ANXA13: variants seen among roughly 807,000 people sequenced by gnomAD.
The protein encoded by ANXA13 is annexin XIII.
A neutral mutation model predicts 46.6 loss-of-function variants in ANXA13; 36 were observed. The ratio of observed to expected loss-of-function variants is 0.77; its 90% CI spans 0.59 to 1.02. The LOEUF is 1.02. ANXA13 is among the 50% of genes least tolerant of loss of function. The pLI, the probability that ANXA13 is intolerant of heterozygous loss-of-function variation, is 0.00. For synonymous variants in ANXA13, 163 were observed against 152.9 expected, an observed-to-expected ratio of 1.07 and a Z score of -0.49; for missense variants, 417 against 396.5, an observed-to-expected ratio of 1.05 and a Z score of -0.44.
chr8:123,728,921 G>A (rs889999325), intron 1 of ANXA13, among the ~76,000 whole-genome samples: 1 of 151,584 alleles, frequency 6.6e-6, no homozygotes, highest in South Asian at 2.1e-4. Flanking sequence ...CCATTATTTG[G>A]AAAGAGAATT....
At chr8:123,712,346 A>G in intron 2 of ANXA13, 1 of 287,474 alleles carries the variant, frequency 3.5e-6, no homozygotes, top group South Asian at 5.2e-5. Context: ...AAATTACCCC[A>G]CCTCGGGTAT....
At chr8:123,698,662 T>C (rs1482096012) in intron 3 of ANXA13, 103 bp from the exon 4 acceptor site, 3 of 1,280,776 alleles carry the variant, frequency 2.3e-6, no homozygotes, top group African/African-American at 2.9e-5. Flanking sequence ...AGAAAGGTGC[T>C]GTGGACATGA....
intron 5 of ANXA13, 53 bp downstream of exon 5, chr8:123,695,635 G>A (rs1280545696): frequency 1.9e-6 from 3 of 1,610,540 alleles, no homozygotes; most frequent in African/African-American, 1.3e-5. Context: ...GTTTCCCAGA[G>A]GTATTTTGAA....
chr8:123,701,152 C>G (rs867865198), intron 3 of ANXA13, among the ~76,000 whole-genome samples: 14 of 150,980 alleles, frequency 9.3e-5, no homozygotes, highest in South Asian at 2.2e-4. Context: ...TGGGAGGCTA[C>G]TGGAGTTAGG....
At chr8:123,682,153 AT>A (rs1483614031) in intron 10 of ANXA13, among the ~76,000 whole-genome samples, 1 of 152,184 alleles carries the variant, frequency 6.6e-6, no homozygotes, top group African/African-American at 2.4e-5. Flanking sequence ...TTTTTCCCTC[AT>A]ACCATGATTA....
intron 4 of ANXA13, among the ~76,000 whole-genome samples, chr8:123,697,457 T>A (rs983225399): frequency 2.0e-5 from 3 of 152,082 alleles, no homozygotes; most frequent in South Asian, 2.1e-4. Context: ...AGAAAAGAAG[T>A]CCGGGGATGC....
chr8:123,703,900 G>A (rs995475454), intron 2 of ANXA13, among the ~76,000 whole-genome samples: 3 of 152,110 alleles, frequency 2.0e-5, no homozygotes, highest in East Asian at 1.9e-4. Context: ...TAAGAAAGAC[G>A]GTTTTACCAT....
intron 4 of ANXA13, 29 bp from the exon 5 acceptor site, chr8:123,695,750 A>C: frequency 6.3e-7 from 1 of 1,591,406 alleles, no homozygotes; most frequent in Non-Finnish European, 8.6e-7. Context: ...AAAAAAATCA[A>C]TATTCCAAGG....
Position 123,698,377 on chromosome 8 carries a change from G to T in ANXA13, c.357+12C>A, listed in dbSNP as rs761261705. 3.1e-6 allele frequency: 5 copies of T among 1,613,346 alleles called. No individual in the cohort carries two copies. The South Asian group carries it at 5.5e-5, about 18-fold the overall frequency. On this transcript the variant is annotated intron_variant, in intron 4 of 10. Coordinates refer to ENST00000419625, the MANE Select transcript of ANXA13 (RefSeq NM_004306.4). ...TGTGTGATGCTCCCTTGCGGGCTCA[G>T]CTGGGACTGACCTTATTGGTCCTCG... is the stretch of plus-strand genomic sequence containing the variant.
In ANXA13 at chr8:123,737,237, G is replaced by A. The variant is rs567129638; in HGVS notation, c.15+83C>T. 9 of 1,279,222 alleles carry A rather than the reference G, an allele frequency of 7.0e-6. No individual in the cohort carries two copies. The Admixed American group carries it at 1.2e-4, about 18-fold the overall frequency. The allele number at this position is 1,279,222 out of a possible 1,614,324, so 79.2% of individuals were successfully genotyped here. On this transcript the variant is annotated intron_variant, in intron 1 of 10. Transcript: ENST00000419625. ...GTAACCATAGTGATAAAGTATACAA[G>A]TATCAGTCATGATTTTATAGTTTAA...
In ANXA13 at chr8:123,733,013, A is replaced by G. The variant is rs550231947; in HGVS notation, c.15+4307T>C. Among the ~76,000 whole-genome samples the G allele has an allele frequency of 3.9e-5, 6 of 152,164 alleles. No homozygotes were observed. In the East Asian group the frequency reaches 1.2e-3, roughly 30 times the overall value. ...CATAGGATGACCCGTCTTTAAAAAA[A>G]TTAGCTGGGCATGATGGCACATGCC... is the stretch of plus-strand genomic sequence containing the variant. On this transcript the variant is annotated intron_variant, in intron 1 of 10. Transcript: ENST00000419625.
chr8:123,701,228 A>G (rs1306691246), intron 3 of ANXA13, among the ~76,000 whole-genome samples: 2 of 152,154 alleles, frequency 1.3e-5, no homozygotes, highest in African/African-American at 2.4e-5. Context: ...TAATCCTGGC[A>G]CTTTGGGCTG....
intron 1 of ANXA13, among the ~76,000 whole-genome samples, chr8:123,735,579 C>T (rs1298200471): frequency 6.6e-6 from 1 of 152,138 alleles, no homozygotes; most frequent in Non-Finnish European, 1.5e-5. Flanking sequence ...TTTACATTAC[C>T]TGTAAATACA....
chr8:123,696,552 T>TC (rs202131866), intron 4 of ANXA13, among the ~76,000 whole-genome samples: 1 of 84,026 alleles, frequency 1.2e-5, no homozygotes, highest in East Asian at 2.8e-4. Flanking sequence ...GGCTTCCTGC[T>TC]CCCCCACCCC....
intron 1 of ANXA13, among the ~76,000 whole-genome samples, chr8:123,714,171 T>A (rs1423257764): frequency 6.6e-6 from 1 of 152,188 alleles, no homozygotes; most frequent in African/African-American, 2.4e-5. Flanking sequence ...TTCTCCTTAT[T>A]TCCCCTTCCC....
intron 4 of ANXA13, among the ~76,000 whole-genome samples, chr8:123,697,370 C>T (rs550109894): frequency 6.6e-6 from 1 of 152,098 alleles, no homozygotes; most frequent in African/African-American, 2.4e-5. Context: ...TCCCGGGGGG[C>T]CTGTGCTAAC....
At chr8:123,702,566 G>A (rs1813463396) in intron 3 of ANXA13, 76 bp downstream of exon 3, 17 of 1,136,992 alleles carry the variant, frequency 1.5e-5, no homozygotes, top group Non-Finnish European at 2.3e-5. Context: ...TATTCTGCGT[G>A]GCCTGGGGAC....
intron 1 of ANXA13, among the ~76,000 whole-genome samples, chr8:123,721,113 G>C (rs1321092843): frequency 6.6e-6 from 1 of 152,130 alleles, no homozygotes; most frequent in Non-Finnish European, 1.5e-5. Context: ...CATGTAAGTA[G>C]AATCATGCAG....
In ANXA13 at chr8:123,684,683, C is replaced by T. The variant is rs779057517; in HGVS notation, c.758G>A (p.Arg253His). 2.4e-5 allele frequency: 39 copies of T among 1,613,988 alleles called. No individual in the cohort carries two copies. The highest frequency in any genetic ancestry group is 1.3e-4 in the African/African-American group (10 of 74,922). ...CGCACCCTTCATCGACTTGTACAGA[C>T]GTTCAGCAAAATAGTCCTCACAATC... ...AQDCEDYFAE[R>H]LYKSMKGAGT... The change falls in exon 10 of 11, where the codon CGT becomes CAT. Residue 253 changes from arginine (R) to histidine (H), a missense_variant. By Grantham distance (29) the Arg-to-His change is conservative (BLOSUM62 0). Transcript: ENST00000419625.
Sources: gnomAD v4.1 joint callset for allele counts (sites outside exome capture counted in the v4.1 genomes callset) on GRCh38, gnomAD v4.1.1 for gene constraint, MANE v1.5 for transcripts, NCBI Gene and HGNC (gene_info 2026-07-23, HGNC 2026-07-21) for gene names.